The following MAP1B variants were observed in gnomAD, a reference collection of about 807,000 sequenced individuals.
MAP1B encodes microtubule-associated protein 1B.
In MAP1B, 12 loss-of-function variants were observed where a neutral mutation model predicts 176.1. The ratio of observed to expected loss-of-function variants is 0.07; its 90% CI spans 0.04 to 0.11. MAP1B has a LOEUF of 0.11. Ranked by LOEUF, MAP1B falls within the 10% of genes least tolerant of loss-of-function variation. MAP1B has a pLI of 1.00. For synonymous variants in MAP1B, 1,044 were observed against 1,135.0 expected (o/e 0.92, Z 1.61); for missense variants, 2,523 against 2,990.5 (o/e 0.84, Z 3.65).
chr5:72,131,878 G>A (rs1745740432), intron 2 of MAP1B, among the ~76,000 whole-genome samples: 2 of 152,154 alleles, frequency 1.3e-5, no homozygotes, highest in African/African-American at 2.4e-5. Context: ...CCAACAGTAC[G>A]CAGCCTTCTT....
chr5:72,194,549 G>T lies in MAP1B; in HGVS notation c.1194G>T (p.Leu398=), dbSNP rs1285891790. Residue 398 remains leucine, a synonymous_variant, in exon 5 of 7, where the codon CTG becomes CTT. Coordinates refer to ENST00000296755, the MANE Select transcript of MAP1B (RefSeq NM_005909.5). The surrounding 1 kb of genome is among the most constrained non-coding windows in gnomAD (Gnocchi z 7.2). ...LNKLSMKPEP[L]FRSVGNTIDP... is the part of the protein sequence containing the mutation. The stretch of plus-strand genomic sequence containing the variant: ...AATTGTCCATGAAACCAGAACCTCT[G>T]TTTAGAAGTGTAGGCAATACTATTG... The T allele has an allele frequency of 6.2e-7, 1 of 1,614,108 alleles. No individual in the cohort carries two copies. Among genetic ancestry groups the T allele is most frequent in the Non-Finnish European group, 8.5e-7 (1 of 1,180,054 alleles).
chr5:72,203,288 G>A lies in MAP1B; in HGVS notation c.7013-275G>A, dbSNP rs1747371393. On this transcript the variant is annotated intron_variant, in intron 5 of 6. Transcript: ENST00000296755. Reference sequence around the variant, plus strand: ...TGGGAAAGGCCTTCAAACTCTTCTTGCTTCCTAATATTGGTTGTCCACAAA... The same window carrying A: ...TGGGAAAGGCCTTCAAACTCTTCTTACTTCCTAATATTGGTTGTCCACAAA... Among the ~76,000 whole-genome samples, 3 of 152,100 alleles carry A rather than the reference G, an allele frequency of 2.0e-5. No homozygotes were observed. The South Asian group carries it at 6.2e-4, about 32-fold the overall frequency.
intron 2 of MAP1B, among the ~76,000 whole-genome samples, chr5:72,139,061 G>A (rs1745891932): frequency 6.6e-6 from 1 of 152,136 alleles, no homozygotes; most frequent in African/African-American, 2.4e-5. Flanking sequence ...TAAGTTACGT[G>A]TCTGGGGAAA....
chr5:72,109,933 G>A (rs1745291637), intron 1 of MAP1B, among the ~76,000 whole-genome samples: 1 of 152,126 alleles, frequency 6.6e-6, no homozygotes, highest in Non-Finnish European at 1.5e-5. Flanking sequence ...TTCCTCAGAG[G>A]GTTTATACAA....
At chr5:72,187,256 G>A (rs1044658259) in intron 4 of MAP1B, among the ~76,000 whole-genome samples, 4 of 152,172 alleles carry the variant, frequency 2.6e-5, no homozygotes, top group Non-Finnish European at 5.9e-5. Context: ...AATGGGGCAC[G>A]TCTGTGACCC....
intron 2 of MAP1B, among the ~76,000 whole-genome samples, chr5:72,167,012 CCTTCTT>C (rs1396175873): frequency 7.7e-6 from 1 of 130,680 alleles, no homozygotes; most frequent in African/African-American, 3.0e-5. Context: ...TTGCTATATT[CCTTCTT>C]TTTTTTTTTT....
chr5:72,196,272 G>C lies in MAP1B; in HGVS notation c.2917G>C (p.Glu973Gln). ...GAGCGCCTCCAAGCACAGCCCCACTGAGGATGAGGAAAGTGCCAAGGCGGA... is the reference window on the plus strand; with the variant it reads ...GAGCGCCTCCAAGCACAGCCCCACTCAGGATGAGGAAAGTGCCAAGGCGGA... ...CVSASKHSPTEDEESAKAEAD... is the reference protein window; with the variant it reads ...CVSASKHSPTQDEESAKAEAD... Residue 973 changes from glutamate (E) to glutamine (Q), a missense_variant, in exon 5 of 7, where the codon GAG (glutamate) becomes CAG (glutamine). This residue lies in a region of MAP1B where 1,925 missense variants were observed against 2,126.0 expected (regional missense o/e 0.91). Coordinates refer to ENST00000296755, the MANE Select transcript of MAP1B (RefSeq NM_005909.5). This position sits in a 1 kb window ranked among gnomAD's most constrained non-coding sequence, Gnocchi z 5.3. 2 of 1,614,088 alleles carry C rather than the reference G, an allele frequency of 1.2e-6. No individual in the cohort carries two copies. Among genetic ancestry groups the C allele is most frequent in the Non-Finnish European group, 1.7e-6 (2 of 1,180,028 alleles).
At position 72,194,661 on chromosome 5, in the gene MAP1B, T is replaced by C. The variant is rs756403850; in HGVS notation, c.1306T>C (p.Tyr436His). Residue 436 changes from tyrosine to histidine, a missense_variant, in exon 5 of 7, where the codon TAT (tyrosine) becomes CAT (histidine). Physicochemically the swap from Tyr to His is moderately conservative, Grantham distance 83. This residue lies in a region of MAP1B where 1,925 missense variants were observed against 2,126.0 expected (regional missense o/e 0.91). Transcript: ENST00000296755. This position sits in a 1 kb window ranked among gnomAD's most constrained non-coding sequence, Gnocchi z 7.2. ...AGTCAAGAGCAGCAAGGAAATGCAG[T>C]ATTTTATGCAGCAGTGGACTGGTAC... ...NPVKSSKEMQ[Y>H]FMQQWTGTNK... The C allele has an allele frequency of 1.2e-6, 2 of 1,614,202 alleles. No individual in the cohort carries two copies. The highest frequency in any genetic ancestry group is 1.3e-5 in the African/African-American group (1 of 75,060).
rs564543921 is a variant in MAP1B at position 72,207,962 on chromosome 5, C to CTTTTTTTTTTTTTTTTTTTT, written c.*2725_*2744dup. On this transcript the variant is annotated 3_prime_UTR_variant, in exon 7 of 7. Transcript: ENST00000296755. ...CTCCTCACTTTCTCTCTCTCTCTCTCTTTTTTTTTTTTTTTTTTTTTGCTA... is the reference window on the plus strand; with the variant it reads ...CTCCTCACTTTCTCTCTCTCTCTCTCTTTTTTTTTTTTTTTTTTTTTTTTTTTTTTTTTTTTTTTTTGCTA... 1 of 116,002 alleles carries CTTTTTTTTTTTTTTTTTTTT rather than the reference C, an allele frequency of 8.6e-6. No homozygotes were observed. Among genetic ancestry groups the CTTTTTTTTTTTTTTTTTTTT allele is most frequent in the African/African-American group, 3.5e-5 (1 of 28,728 alleles). 7.2% of individuals were successfully genotyped at this position (116,002 alleles called of 1,614,324 possible).
rs774008810 is a variant in MAP1B, at chr5:72,195,673, C to T, written c.2318C>T (p.Ala773Val). The change falls in exon 5 of 7, where the codon GCC (alanine) becomes GTC (valine). Residue 773 changes from alanine (A) to valine (V), a missense_variant. Physicochemically the swap from Ala to Val is moderately conservative, Grantham distance 64. Coordinates refer to ENST00000296755, the MANE Select transcript of MAP1B (RefSeq NM_005909.5). The part of the protein sequence containing the change: ...EESVKKDSVA[A>V]GKPKEKGKIK... ...TCTGTCAAGAAAGATTCTGTTGCTG[C>T]CGGAAAGCCAAAGGAGAAGGGGAAA... The T allele has an allele frequency of 1.1e-5, 17 of 1,614,168 alleles. No individual in the cohort carries two copies. In the Middle Eastern group the frequency reaches 4.9e-4, roughly 47 times the overall value.
At chr5:72,171,663 A>G (rs1363328086) in intron 2 of MAP1B, among the ~76,000 whole-genome samples, 2 of 152,210 alleles carry the variant, frequency 1.3e-5, no homozygotes, top group African/African-American at 4.8e-5. Context: ...GAAGTTGAGA[A>G]CTAGGCTTTA....
At position 72,115,465 on chromosome 5, in the gene MAP1B, A is replaced by G. The variant is rs144073551; in HGVS notation, c.185-233A>G. 3.8e-3 allele frequency among the ~76,000 whole-genome samples: 578 copies of G among 152,158 alleles called. 5 individuals carry two copies. The highest frequency in any genetic ancestry group is 0.013 in the African/African-American group (535 of 41,490). Reference sequence around the variant, plus strand: ...TCCAGAAGAGGTGCATTTACTTTTTATGAGGGGCAGAAGCTCAGTCCACAC... The same window carrying G: ...TCCAGAAGAGGTGCATTTACTTTTTGTGAGGGGCAGAAGCTCAGTCCACAC... On this transcript the variant is annotated intron_variant, in intron 1 of 6. Coordinates refer to ENST00000296755, the MANE Select transcript of MAP1B (RefSeq NM_005909.5).
chr5:72,203,916 G>C (rs1005075202), intron 6 of MAP1B, 115 bp downstream of exon 6: 2 of 826,964 alleles, frequency 2.4e-6, no homozygotes, highest in Non-Finnish European at 3.9e-6. Flanking sequence ...CACATGAGGT[G>C]CCTCCTGTGT....
chr5:72,158,042 C>T (rs1413890522), intron 2 of MAP1B, among the ~76,000 whole-genome samples: 4 of 135,412 alleles, frequency 3.0e-5, no homozygotes, highest in Non-Finnish European at 4.6e-5. Context: ...TGGAGTCTCG[C>T]GTTCGCCCAG....
In MAP1B at chr5:72,174,204, C is replaced by T. The variant is rs1440382190; in HGVS notation, c.287-9539C>T. On this transcript the variant is annotated intron_variant, in intron 2 of 6. Transcript: ENST00000296755. Reference sequence around the variant, plus strand: ...TTTGTCTCTCTGATGCTGGACAAGACAGCTAACTCTTATTGAGGAACCTGT... The same window carrying T: ...TTTGTCTCTCTGATGCTGGACAAGATAGCTAACTCTTATTGAGGAACCTGT... Among the ~76,000 whole-genome samples the T allele has an allele frequency of 2.0e-5, 3 of 152,306 alleles. 1 individual carries two copies. The highest frequency in any genetic ancestry group is 2.0e-4 in the Admixed American group (3 of 15,298).
At chr5:72,165,687 A>G (rs1746414406) in intron 2 of MAP1B, among the ~76,000 whole-genome samples, 1 of 152,214 alleles carries the variant, frequency 6.6e-6, no homozygotes, top group African/African-American at 2.4e-5. Context: ...ACAGGACTAT[A>G]TCACTACCCT....
chr5:72,116,923 CG>C (rs1381874087), intron 2 of MAP1B, among the ~76,000 whole-genome samples: 1 of 152,064 alleles, frequency 6.6e-6, no homozygotes, highest in Non-Finnish European at 1.5e-5. Flanking sequence ...TCAGTGCCTT[CG>C]TGAATCACAT....
intron 2 of MAP1B, among the ~76,000 whole-genome samples, chr5:72,131,750 T>C (rs563279683): frequency 8.5e-5 from 13 of 152,354 alleles, no homozygotes; most frequent in Non-Finnish European, 1.8e-4. Context: ...TTTATGTCCA[T>C]GGTACTTAGA....
rs759774354 is a variant in MAP1B at position 72,199,031 on chromosome 5, T to C, written c.5676T>C (p.Tyr1892=). The C allele has an allele frequency of 6.2e-7, 1 of 1,614,148 alleles. No individual in the cohort carries two copies. Among genetic ancestry groups the C allele is most frequent in the Non-Finnish European group, 8.5e-7 (1 of 1,180,028 alleles). The part of the protein sequence containing the change: ...PDEEDYDYES[Y]EKTTRTSDVG... ...AAGAAGATTATGACTATGAGTCTTA[T>C]GAGAAGACCACCCGGACCTCAGATG... The change falls in exon 5 of 7, where the codon TAT becomes TAC. Residue 1892 remains tyrosine (Y), a synonymous_variant. Coordinates refer to ENST00000296755, the MANE Select transcript of MAP1B (RefSeq NM_005909.5). This position sits in a 1 kb window ranked among gnomAD's most constrained non-coding sequence, Gnocchi z 4.2.
Sources: allele counts gnomAD v4.1 joint callset (sites outside exome capture counted in the v4.1 genomes callset), GRCh38; gene constraint gnomAD v4.1.1; regional missense constraint gnomAD v4.1.1; non-coding constraint Gnocchi (gnomAD v3.1); transcripts MANE v1.5; gene names NCBI Gene and HGNC (gene_info 2026-07-23, HGNC 2026-07-21).